Variants in BPTF observed in about 807,000 individuals in gnomAD.
The protein encoded by BPTF is nucleosome-remodeling factor subunit BPTF.
In BPTF, 18 loss-of-function variants were observed where a neutral mutation model predicts 292.5. The ratio of observed to expected loss-of-function variants is 0.06; its 90% CI spans 0.04 to 0.09. BPTF has a LOEUF of 0.09. Among genes scored for constraint, BPTF ranks in the 10% least tolerant of loss-of-function variants. The probability of loss-of-function intolerance (pLI) is 1.00; values close to 1 mark genes in which losing one functional copy is unlikely to be tolerated. For missense variants in BPTF, 2,726 were observed against 3,498.7 expected, an observed-to-expected ratio of 0.78 and a Z score of 5.57; for synonymous variants, 1,225 against 1,251.9, an observed-to-expected ratio of 0.98 and a Z score of 0.45.
At chr17:67,899,636 T>TTCTCCTGCC (rs1039785256) in intron 7 of BPTF, among the ~76,000 whole-genome samples, 51 of 151,672 alleles carry the variant, frequency 3.4e-4, no homozygotes, top group African/African-American at 9.5e-4. Context: ...GTTCGAGTGA[T>TTCTCCTGCC]TCTCCTGCCT....
intron 3 of BPTF, among the ~76,000 whole-genome samples, chr17:67,868,259 CT>C (rs2059504425): frequency 1.3e-5 from 2 of 152,068 alleles, no homozygotes; most frequent in African/African-American, 4.8e-5. Context: ...CCAATCTGAC[CT>C]TCCTTTCTCC....
At position 67,854,899 on chromosome 17, in the gene BPTF, T is replaced by C. The variant is rs887214437; in HGVS notation, c.1436+137T>C. On this transcript the variant is annotated intron_variant, in intron 2 of 27. Transcript: ENST00000306378. This position sits in a 1 kb window ranked among gnomAD's most constrained non-coding sequence, Gnocchi z 5.6. Reference sequence around the variant, plus strand: ...ATAGTTATACAGTTAAATAATTTCTTAATTGAAGGAATATGTGCATTAAAA... The same window carrying C: ...ATAGTTATACAGTTAAATAATTTCTCAATTGAAGGAATATGTGCATTAAAA... 6.1e-6 allele frequency: 4 copies of C among 655,074 alleles called. No individual in the cohort carries two copies. In the East Asian group the frequency reaches 8.2e-5, roughly 13 times the overall value. The allele number at this position is 655,074 out of a possible 1,614,324, so 40.6% of individuals were successfully genotyped here. A position where few individuals can be genotyped will look rare whatever the true frequency, so the allele number is the denominator to read the frequency against.
intron 4 of BPTF, among the ~76,000 whole-genome samples, chr17:67,880,636 T>C (rs1417195331): frequency 6.6e-6 from 1 of 152,118 alleles, no homozygotes; most frequent in Non-Finnish European, 1.5e-5. Context: ...TTTTGGTTTT[T>C]GGTTTTTTGT....
In BPTF at chr17:67,945,503, A is replaced by G. The variant is rs200200542; in HGVS notation, c.6795A>G (p.Pro2265=). 1.7e-5 allele frequency: 28 copies of G among 1,614,014 alleles called. No homozygotes were observed. Among genetic ancestry groups the G allele is most frequent in the Non-Finnish European group, 2.3e-5 (27 of 1,180,030 alleles). The change falls in exon 21 of 28, where the codon CCA becomes CCG. Residue 2265 remains proline (P), a synonymous_variant. Coordinates refer to ENST00000306378, the MANE Select transcript of BPTF (RefSeq NM_182641.4). ...CAGCTCAGTCATCAAGTGTGGGTCC[A>G]GCAGAAGCCCAGCCACAGACTGCTC... ...LPPAQSSSVG[P]AEAQPQTAQP...
intron 25 of BPTF, 186 bp from the exon 26 acceptor site, chr17:67,966,386 T>C: frequency 3.8e-6 from 2 of 529,620 alleles, no homozygotes; most frequent in Non-Finnish European, 6.7e-6. Context: ...AGCCTTTGAG[T>C]ACCATTATTG....
rs1297479189 is a variant in BPTF, at chr17:67,928,480, A to G, written c.5877A>G (p.Thr1959=). The change falls in exon 16 of 28, where the codon ACA becomes ACG. Residue 1959 remains threonine (T), a synonymous_variant. Transcript: ENST00000306378. ...VMVAPISGSV[T]TGTKMVLTTK... is the part of the protein sequence containing the mutation. ...TGGCCCCCATAAGTGGCTCAGTTAC[A>G]ACTGGAACCAAAATGGTACTAACTA... The G allele has an allele frequency of 1.9e-6, 3 of 1,614,172 alleles. No individual in the cohort carries two copies. The highest frequency in any genetic ancestry group is 1.7e-6 in the Non-Finnish European group (2 of 1,180,012).
rs765264365 is a variant in BPTF, at chr17:67,911,874, G to A, written c.3990G>A (p.Glu1330=). The A allele has an allele frequency of 8.1e-6, 13 of 1,613,936 alleles. No individual in the cohort carries two copies. The highest frequency in any genetic ancestry group is 1.3e-5 in the African/African-American group (1 of 74,918). Residue 1330 remains glutamate, a synonymous_variant, in exon 11 of 28, where the codon GAG becomes GAA. Transcript: ENST00000306378. ...RTREQDVEVL[E]PLKCELVSGE... is the part of the protein sequence containing the mutation. ...GAGAACAAGATGTTGAAGTCTTGGA[G>A]CCGTTAAAGTGTGAGTTGGTTTCTG...
At chr17:67,959,284 C>T (rs1598923704) in intron 23 of BPTF, among the ~76,000 whole-genome samples, 1 of 152,352 alleles carries the variant, frequency 6.6e-6, no homozygotes, top group East Asian at 1.9e-4. Context: ...AGCCACTTGG[C>T]TCATCTTTCA....
At chr17:67,871,872 C>G (rs1433755790) in intron 3 of BPTF, among the ~76,000 whole-genome samples, 3 of 152,244 alleles carry the variant, frequency 2.0e-5, no homozygotes, top group Non-Finnish European at 4.4e-5. Flanking sequence ...GTCACCCAGG[C>G]TGGAGTGCAG....
intron 1 of BPTF, 146 bp downstream of exon 1, chr17:67,826,483 A>G: frequency 1.1e-6 from 1 of 914,528 alleles, no homozygotes; most frequent in South Asian, 2.7e-5. Flanking sequence ...CGGCACATCA[A>G]GTGGCAAAAA....
chr17:67,841,206 G>A (rs915024049), intron 1 of BPTF, among the ~76,000 whole-genome samples: 1 of 151,886 alleles, frequency 6.6e-6, no homozygotes, highest in African/African-American at 2.4e-5. Flanking sequence ...TTGGGAGTTT[G>A]AGACTAGCCT....
chr17:67,953,857 G>C (rs1371996764), intron 23 of BPTF, among the ~76,000 whole-genome samples: 5 of 151,816 alleles, frequency 3.3e-5, no homozygotes, highest in Non-Finnish European at 5.9e-5. Flanking sequence ...TGGGATTACA[G>C]CTGTGAGCCA....
chr17:67,872,969 T>A (rs1166307005), intron 3 of BPTF, among the ~76,000 whole-genome samples: 1 of 151,654 alleles, frequency 6.6e-6, no homozygotes, highest in East Asian at 2.0e-4. Context: ...TACCTATAGT[T>A]CCATCTACTC....
Position 67,874,972 on chromosome 17 carries a change from A to G in BPTF, c.1816A>G (p.Ser606Gly). Residue 606 changes from serine (S) to glycine (G), a missense_variant, in exon 4 of 28, where the codon AGT (serine) becomes GGT (glycine). Coordinates refer to ENST00000306378, the MANE Select transcript of BPTF (RefSeq NM_182641.4). ...TGAAGACCAGTCCCTTGAAAAAGAC[A>G]GTGACGACAAAACACCAGATGATGA... is the stretch of plus-strand genomic sequence containing the variant. ...EFEDQSLEKD[S>G]DDKTPDDDPE... 6.2e-7 allele frequency: 1 copy of G among 1,613,888 alleles called. No individual in the cohort carries two copies. Among genetic ancestry groups the G allele is most frequent in the Non-Finnish European group, 8.5e-7 (1 of 1,179,898 alleles).
At chr17:67,902,843 A>G (rs2061938411) in intron 7 of BPTF, among the ~76,000 whole-genome samples, 2 of 152,224 alleles carry the variant, frequency 1.3e-5, no homozygotes, top group South Asian at 2.1e-4. Flanking sequence ...GTGCATGAGA[A>G]ATTGGCTGCA....
chr17:67,914,509 CT>C (rs2062852438), intron 11 of BPTF, among the ~76,000 whole-genome samples: 1 of 152,226 alleles, frequency 6.6e-6, no homozygotes, highest in Admixed American at 6.5e-5. Flanking sequence ...TTACTCTGCA[CT>C]TTTCTGCTTT....
intron 18 of BPTF, among the ~76,000 whole-genome samples, chr17:67,937,708 CAAAGGAGTT>C (rs1195672917): frequency 7.7e-6 from 1 of 130,680 alleles, no homozygotes; most frequent in African/African-American, 2.8e-5. Context: ...AAGTGGGAGT[CAAAGGAGTT>C]ATGGTCAGAG....
chr17:67,940,395 G>A (rs1229204822), intron 18 of BPTF, 44 bp from the exon 19 acceptor site: 1 of 1,546,122 alleles, frequency 6.5e-7, no homozygotes, highest in Non-Finnish European at 8.9e-7. Context: ...TCAAAATAAT[G>A]CCAAGGGTGT....
intron 26 of BPTF, chr17:67,975,529 G>T: frequency 2.4e-6 from 1 of 409,992 alleles, no homozygotes; most frequent in South Asian, 3.8e-5. Context: ...GTTCTGTGCA[G>T]TTACCTGAAA....
Sources: gnomAD v4.1 joint callset for allele counts (sites outside exome capture counted in the v4.1 genomes callset) on GRCh38, gnomAD v4.1.1 for gene constraint, Gnocchi (gnomAD v3.1) non-coding constraint, MANE v1.5 for transcripts, NCBI Gene and HGNC (gene_info 2026-07-23, HGNC 2026-07-21) for gene names.